Variants in TNR observed in about 807,000 individuals in gnomAD.
TNR encodes tenascin R.
In TNR, 45 loss-of-function variants were observed where a neutral mutation model predicts 150.4. The observed-to-expected ratio is 0.30, with a 90% CI of 0.24 to 0.38. The LOEUF (loss-of-function observed/expected upper bound fraction) is 0.38, where lower values mean the gene tolerates loss of function less well. Ranked by LOEUF, TNR falls within the 10% of genes least tolerant of loss-of-function variation. TNR has a pLI of 1.00. For synonymous variants in TNR, 687 were observed against 678.4 expected (o/e 1.01, Z -0.20); for missense variants, 1,544 against 1,759.1 (o/e 0.88, Z 2.19).
chr1:175,566,079 T>G (rs1661631001), intron 1 of TNR, among the ~76,000 whole-genome samples: 1 of 152,206 alleles, frequency 6.6e-6, no homozygotes, highest in Admixed American at 6.5e-5. Flanking sequence ...ATACAAGGTC[T>G]AAATTACTCA....
At position 175,335,811 on chromosome 1, in the gene TNR, T is replaced by C. The variant is rs202098770; in HGVS notation, c.3535-4A>G. 148 of 1,605,400 alleles carry C rather than the reference T, an allele frequency of 9.2e-5. No homozygotes were observed. The highest frequency in any genetic ancestry group is 1.2e-4 in the Non-Finnish European group (142 of 1,177,844). On this transcript the variant is annotated splice_polypyrimidine_tract_variant and splice_region_variant and intron_variant, in intron 19 of 22. Coordinates refer to ENST00000367674, the MANE Select transcript of TNR (RefSeq NM_003285.3). Reference sequence around the variant, plus strand: ...CATTCTGCCGCCTCTGGAATACCTATGAAGGAAATAAAAAAACAAAAAACA... The same window carrying C: ...CATTCTGCCGCCTCTGGAATACCTACGAAGGAAATAAAAAAACAAAAAACA...
chr1:175,729,828 G>A (rs1014642862), intron 1 of TNR, among the ~76,000 whole-genome samples: 1 of 152,168 alleles, frequency 6.6e-6, no homozygotes, highest in Non-Finnish European at 1.5e-5. Context: ...GAATCTGGCA[G>A]CTATGTGGGT....
At chr1:175,681,646 G>A (rs928847508) in intron 1 of TNR, among the ~76,000 whole-genome samples, 6 of 152,176 alleles carry the variant, frequency 3.9e-5, no homozygotes, top group African/African-American at 1.4e-4. Context: ...TGAGACTCTA[G>A]GAAATGATTT....
At chr1:175,612,413 C>T (rs1383174896) in intron 1 of TNR, among the ~76,000 whole-genome samples, 1 of 152,156 alleles carries the variant, frequency 6.6e-6, no homozygotes, top group African/African-American at 2.4e-5. Context: ...AGGAATTCCT[C>T]TTGTTGCAGA....
chr1:175,598,106 T>A (rs1663082106), intron 1 of TNR, among the ~76,000 whole-genome samples: 1 of 152,156 alleles, frequency 6.6e-6, no homozygotes, highest in African/African-American at 2.4e-5. Flanking sequence ...TATAAGGCAG[T>A]AAGGCAAGGG....
At chr1:175,479,589 T>C (rs929475509) in intron 2 of TNR, among the ~76,000 whole-genome samples, 24 of 152,200 alleles carry the variant, frequency 1.6e-4, no homozygotes, top group African/African-American at 5.3e-4. Flanking sequence ...CTAGGTCTCC[T>C]GGCTGAACGT....
intron 1 of TNR, among the ~76,000 whole-genome samples, chr1:175,704,058 T>C (rs1180366648): frequency 6.6e-6 from 1 of 152,202 alleles, no homozygotes; most frequent in Non-Finnish European, 1.5e-5. Flanking sequence ...TGAAGGGGAA[T>C]AGAGAGTTAA....
At position 175,386,378 on chromosome 1, in the gene TNR, C is replaced by T. The variant is rs979878754; in HGVS notation, c.1508-77G>A. The T allele has an allele frequency of 2.6e-5, 37 of 1,434,886 alleles. 2 individuals are homozygous for T. The South Asian group carries it at 5.3e-4, about 21-fold the overall frequency. 88.9% of individuals were successfully genotyped at this position (1,434,886 alleles called of 1,614,324 possible). A position where few individuals can be genotyped will look rare whatever the true frequency, so the allele number is the denominator to read the frequency against. On this transcript the variant is annotated intron_variant, in intron 7 of 22. Transcript: ENST00000367674. ...TGGGTGTCAGCTCTCTCTTTTCCTC[C>T]TTATGGAAGTCTGGTGAGTCAGAGA... is the stretch of plus-strand genomic sequence containing the variant.
intron 1 of TNR, among the ~76,000 whole-genome samples, chr1:175,580,368 A>G (rs866351314): frequency 2.0e-5 from 3 of 152,284 alleles, no homozygotes; most frequent in Middle Eastern, 6.8e-3. Flanking sequence ...CTGACACTGT[A>G]CCTGGGGGGT....
intron 2 of TNR, among the ~76,000 whole-genome samples, 178 bp from the exon 3 acceptor site, chr1:175,406,955 G>T (rs1653993420): frequency 6.6e-6 from 1 of 152,180 alleles, no homozygotes; most frequent in Admixed American, 6.5e-5. Context: ...TTAAAGGACT[G>T]GACCCCTGAA....
chr1:175,489,287 T>C (rs1478641961), intron 2 of TNR, among the ~76,000 whole-genome samples: 1 of 152,128 alleles, frequency 6.6e-6, no homozygotes, highest in Non-Finnish European at 1.5e-5. Context: ...AGTGCATAAC[T>C]CATGTGGTCC....
At chr1:175,376,741 ACACTT>A (rs1652405494) in intron 9 of TNR, among the ~76,000 whole-genome samples, 1 of 152,004 alleles carries the variant, frequency 6.6e-6, no homozygotes, top group South Asian at 2.1e-4. Flanking sequence ...GAGTACAAAT[ACACTT>A]GATTTCCTTA....
chr1:175,653,330 T>C (rs79547499), intron 1 of TNR, among the ~76,000 whole-genome samples: 197 of 152,292 alleles, frequency 1.3e-3, no homozygotes, highest in African/African-American at 4.5e-3. Flanking sequence ...GAAGCAGTGT[T>C]TAGGAGCGAC....
intron 1 of TNR, among the ~76,000 whole-genome samples, chr1:175,700,216 G>A (rs1014144427): frequency 2.0e-5 from 3 of 151,924 alleles, no homozygotes; most frequent in African/African-American, 2.4e-5. Flanking sequence ...CCTGTCCCAG[G>A]AACAGCCCTC....
At position 175,489,315 on chromosome 1, in the gene TNR, T is replaced by A. The variant is rs539754309; in HGVS notation, c.-64+38954A>T. Among the ~76,000 whole-genome samples the A allele has an allele frequency of 8.5e-5, 13 of 152,288 alleles. No homozygotes were observed. In the South Asian group the frequency reaches 2.7e-3, roughly 32 times the overall value. On this transcript the variant is annotated intron_variant, in intron 2 of 22. Coordinates refer to ENST00000367674, the MANE Select transcript of TNR (RefSeq NM_003285.3). ...TGTGGTCCCCAGGTACTCTGCCATC[T>A]CATGCAAGAAAGACTGTTCCACTCC...
chr1:175,510,383 ACAC>A, intron 2 of TNR, among the ~76,000 whole-genome samples: 1 of 151,316 alleles, frequency 6.6e-6, no homozygotes, highest in South Asian at 2.1e-4. Context: ...AAAAAAAAAG[ACAC>A]CACAAGTTAC....
In TNR at chr1:175,614,819, C is replaced by G. The variant is rs1248333147; in HGVS notation, c.-164-86450G>C. 7.9e-5 allele frequency among the ~76,000 whole-genome samples: 12 copies of G among 152,348 alleles called. No homozygotes were observed. In the South Asian group the frequency reaches 8.3e-4, roughly 11 times the overall value. On this transcript the variant is annotated intron_variant, in intron 1 of 22. Transcript: ENST00000367674. ...TCTCATCCTGACCTGTATGAGCACACACAGAGACGTCTCAGCACTCAGGTT... is the reference window on the plus strand; with the variant it reads ...TCTCATCCTGACCTGTATGAGCACAGACAGAGACGTCTCAGCACTCAGGTT...
intron 1 of TNR, among the ~76,000 whole-genome samples, chr1:175,561,705 G>T (rs1558007422): frequency 6.6e-6 from 1 of 152,194 alleles, no homozygotes; most frequent in Non-Finnish European, 1.5e-5. Context: ...ATCAAATCTA[G>T]ATTGCAAAAT....
At chr1:175,419,371 G>A (rs1046702707) in intron 2 of TNR, among the ~76,000 whole-genome samples, 1 of 152,286 alleles carries the variant, frequency 6.6e-6, no homozygotes, top group Admixed American at 6.5e-5. Flanking sequence ...AGATGGCACT[G>A]ACTGGGCTCT....
Sources: gnomAD v4.1 joint callset for allele counts (sites outside exome capture counted in the v4.1 genomes callset) on GRCh38, gnomAD v4.1.1 for gene constraint, MANE v1.5 for transcripts, NCBI Gene and HGNC (gene_info 2026-07-23, HGNC 2026-07-21) for gene names.